Variants in ADGRL3 observed in about 807,000 individuals in gnomAD.
ADGRL3 encodes adhesion G protein-coupled receptor L3, also known as calcium-independent alpha-latrotoxin receptor 3.
ADGRL3 carries 62 observed loss-of-function variants against 153.5 expected under a neutral mutation model. The ratio of observed to expected loss-of-function variants is 0.40; its 90% CI spans 0.33 to 0.50. ADGRL3 has a LOEUF of 0.50. Ranked by LOEUF, ADGRL3 falls within the 20% of genes least tolerant of loss-of-function variation. The pLI is 0.47. For synonymous variants in ADGRL3, 710 were observed against 672.5 expected, an observed-to-expected ratio of 1.06 and a Z score of -0.86; for missense variants, 1,641 against 1,859.4, an observed-to-expected ratio of 0.88 and a Z score of 2.16.
Position 61,256,483 on chromosome 4 carries a change from C to CT in ADGRL3, c.-240+54727dup, listed in dbSNP as rs957579195. On this transcript the variant is annotated intron_variant, in intron 1 of 26. Coordinates refer to ENST00000683033, the MANE Select transcript of ADGRL3 (RefSeq NM_001387552.1). Reference sequence around the variant, plus strand: ...TGGTAACAATAATACAATAATTATCCTTTTTTTTTCTCAGTATGAGCCAGT... The same window carrying CT: ...TGGTAACAATAATACAATAATTATCCTTTTTTTTTTCTCAGTATGAGCCAGT... Among the ~76,000 whole-genome samples the CT allele has an allele frequency of 5.8e-4, 88 of 151,070 alleles. 1 individual carries two copies. The Middle Eastern group carries it at 0.017, about 29-fold the overall frequency.
intron 1 of ADGRL3, among the ~76,000 whole-genome samples, chr4:61,343,640 G>A (rs999080959): frequency 2.6e-5 from 4 of 152,050 alleles, no homozygotes; most frequent in Non-Finnish European, 4.4e-5. Flanking sequence ...AGACCTGGAT[G>A]TTAACATGAA....
At chr4:61,443,470 A>T (rs547001189) in intron 2 of ADGRL3, among the ~76,000 whole-genome samples, 1 of 152,266 alleles carries the variant, frequency 6.6e-6, no homozygotes, top group Non-Finnish European at 1.5e-5. Context: ...GTGCTAAGTT[A>T]TTTATGGTTT....
At chr4:61,834,338 T>C (rs1483558287) in intron 9 of ADGRL3, among the ~76,000 whole-genome samples, 1 of 152,162 alleles carries the variant, frequency 6.6e-6, no homozygotes, top group African/African-American at 2.4e-5. Context: ...ATGTGCCACA[T>C]TTTCTTAATC....
At chr4:61,899,248 T>C (rs2098649973) in intron 11 of ADGRL3, among the ~76,000 whole-genome samples, 1 of 152,138 alleles carries the variant, frequency 6.6e-6, no homozygotes, top group Non-Finnish European at 1.5e-5. Context: ...CATCTCCTTC[T>C]CTTTCCTTTG....
chr4:61,220,409 G>T (rs1051804144), intron 1 of ADGRL3, among the ~76,000 whole-genome samples: 2 of 152,122 alleles, frequency 1.3e-5, no homozygotes, highest in Non-Finnish European at 2.9e-5. Flanking sequence ...CCACATAGCA[G>T]CTATGTGACT....
intron 1 of ADGRL3, among the ~76,000 whole-genome samples, chr4:61,259,809 A>C (rs1240656608): frequency 6.6e-6 from 1 of 152,162 alleles, no homozygotes; most frequent in Non-Finnish European, 1.5e-5. Context: ...TTCTAATATA[A>C]CATGAGGCAA....
At chr4:61,793,032 C>T (rs955216196) in intron 8 of ADGRL3, among the ~76,000 whole-genome samples, 1 of 151,240 alleles carries the variant, frequency 6.6e-6, no homozygotes, top group Non-Finnish European at 1.5e-5. Context: ...GCTGGGGAGG[C>T]CTCACAATCA....
rs191940279 is a variant in ADGRL3 at position 61,991,089 on chromosome 4, G to A, written c.3237-5202G>A. Among the ~76,000 whole-genome samples, 25 of 151,502 alleles carry A rather than the reference G, an allele frequency of 1.7e-4. 1 individual carries two copies. The East Asian group carries it at 4.8e-3, about 29-fold the overall frequency. Reference sequence around the variant, plus strand: ...AATATATGCTAGACATCTATGTCTAGCATAGTTAAGTATTTATTAAATTAG... The same window carrying A: ...AATATATGCTAGACATCTATGTCTAACATAGTTAAGTATTTATTAAATTAG... On this transcript the variant is annotated intron_variant, in intron 19 of 26. Coordinates refer to ENST00000683033, the MANE Select transcript of ADGRL3 (RefSeq NM_001387552.1).
intron 9 of ADGRL3, among the ~76,000 whole-genome samples, chr4:61,828,293 C>A: frequency 6.6e-6 from 1 of 152,170 alleles, no homozygotes; most frequent in East Asian, 1.9e-4. Flanking sequence ...TAAGACACAA[C>A]ACAGAGCATA....
chr4:61,409,710 T>G (rs2097060228), intron 2 of ADGRL3, among the ~76,000 whole-genome samples: 1 of 151,864 alleles, frequency 6.6e-6, no homozygotes. Flanking sequence ...TTAACCAAAA[T>G]TTGATTCAGA....
At chr4:61,913,060 C>T (rs2098729309) in intron 13 of ADGRL3, among the ~76,000 whole-genome samples, 1 of 151,980 alleles carries the variant, frequency 6.6e-6, no homozygotes, top group Non-Finnish European at 1.5e-5. Context: ...GGTTTGAAAA[C>T]ATTTCATTTT....
chr4:61,422,711 A>G (rs1408672657), intron 2 of ADGRL3, among the ~76,000 whole-genome samples: 1 of 152,074 alleles, frequency 6.6e-6, no homozygotes, highest in Non-Finnish European at 1.5e-5. Context: ...TGTTCTATGA[A>G]TGAATAGTAA....
At chr4:61,320,566 G>A (rs1053968209) in intron 1 of ADGRL3, among the ~76,000 whole-genome samples, 2 of 152,148 alleles carry the variant, frequency 1.3e-5, no homozygotes, top group African/African-American at 4.8e-5. Context: ...CTTGGAGGCA[G>A]AATTTCTTCT....
intron 6 of ADGRL3, among the ~76,000 whole-genome samples, chr4:61,710,747 T>A (rs1193313457): frequency 1.3e-5 from 2 of 152,218 alleles, no homozygotes. Flanking sequence ...CACTGTATAT[T>A]CACCTAGTGT....
intron 4 of ADGRL3, among the ~76,000 whole-genome samples, chr4:61,573,633 G>T (rs934015147): frequency 1.3e-5 from 2 of 151,682 alleles, no homozygotes; most frequent in Non-Finnish European, 1.5e-5. Flanking sequence ...ATTCATATTT[G>T]CCATCAATTT....
chr4:62,012,973 C>T (rs925273065), intron 21 of ADGRL3, among the ~76,000 whole-genome samples: 2 of 152,104 alleles, frequency 1.3e-5, no homozygotes, highest in Admixed American at 6.6e-5. Context: ...GTAAAAACAA[C>T]ATGTCATGGA....
intron 8 of ADGRL3, among the ~76,000 whole-genome samples, chr4:61,742,404 G>C (rs570047724): frequency 6.6e-6 from 1 of 151,808 alleles, no homozygotes; most frequent in South Asian, 2.1e-4. Context: ...TCAGCCTCCC[G>C]AGTAGCTGGG....
chr4:61,532,977 C>T (rs1026839831), intron 4 of ADGRL3, among the ~76,000 whole-genome samples: 2 of 152,150 alleles, frequency 1.3e-5, no homozygotes, highest in Middle Eastern at 3.4e-3. Context: ...ATATTAAGAA[C>T]ATGGGACTCT....
Position 61,867,704 on chromosome 4 carries a change from CT to C in ADGRL3, c.1481-24951del, listed in dbSNP as rs952636764. 2.0e-4 allele frequency among the ~76,000 whole-genome samples: 30 copies of C among 151,196 alleles called. 1 individual carries two copies. The highest frequency in any genetic ancestry group is 1.3e-4 in the Admixed American group (2 of 15,178). ...GGCCAAAAGAAGCAGAGAAATTTGT[CT>C]GTTTTATGCTAAGTCTGATGAAGTC... On this transcript the variant is annotated intron_variant, in intron 9 of 26. Coordinates refer to ENST00000683033, the MANE Select transcript of ADGRL3 (RefSeq NM_001387552.1).
Sources: gnomAD v4.1 joint callset for allele counts (sites outside exome capture counted in the v4.1 genomes callset) on GRCh38, gnomAD v4.1.1 for gene constraint, MANE v1.5 for transcripts, NCBI Gene and HGNC (gene_info 2026-07-23, HGNC 2026-07-21) for gene names.